ADAMTSL1: variants seen among roughly 807,000 people sequenced by gnomAD.
The protein encoded by ADAMTSL1 is ADAMTS like 1, also known as ADAMTS-like protein 1.
A neutral mutation model predicts 201.8 loss-of-function variants in ADAMTSL1; 126 were observed. That is an observed-to-expected ratio of 0.62 (90% CI 0.54 to 0.72). The LOEUF is 0.72. Among genes scored for constraint, ADAMTSL1 ranks in the 30% least tolerant of loss-of-function variants. The pLI is 0.00. For missense variants in ADAMTSL1, 2,679 were observed against 2,277.8 expected, an observed-to-expected ratio of 1.18 and a Z score of -3.59; for synonymous variants, 1,121 against 903.4, an observed-to-expected ratio of 1.24 and a Z score of -4.32.
intron 1 of ADAMTSL1, among the ~76,000 whole-genome samples, chr9:18,016,011 T>C (rs773397155): frequency 6.6e-6 from 1 of 152,044 alleles, no homozygotes; most frequent in South Asian, 2.1e-4. Flanking sequence ...GCAGATCTAA[T>C]CTTGTCTGCA....
At chr9:18,825,771 GTT>G (rs58274847) in intron 21 of ADAMTSL1, among the ~76,000 whole-genome samples, 1 of 143,832 alleles carries the variant, frequency 7.0e-6, no homozygotes. Flanking sequence ...ATGTTACCAG[GTT>G]TTTTTTTTTT....
chr9:18,244,783 A>G (rs1411161084), intron 2 of ADAMTSL1, among the ~76,000 whole-genome samples: 1 of 152,066 alleles, frequency 6.6e-6, no homozygotes, highest in Non-Finnish European at 1.5e-5. Flanking sequence ...ACTCCTAATG[A>G]GTCATGCTCT....
At chr9:17,977,337 A>G (rs55998727) in intron 1 of ADAMTSL1, among the ~76,000 whole-genome samples, 26,165 of 152,102 alleles carry the variant, frequency 0.17, 2,649 homozygotes, top group Middle Eastern at 0.26. Flanking sequence ...TGCTGGCCTT[A>G]TAAAATTAAT....
rs1235397837 is a variant in ADAMTSL1, at chr9:18,382,279, G to A, written c.208-122550G>A. Among the ~76,000 whole-genome samples, 4 of 152,154 alleles carry A rather than the reference G, an allele frequency of 2.6e-5. No homozygotes were observed. The East Asian group carries it at 5.8e-4, about 22-fold the overall frequency. ...TCTTTAGGATGTCAGTGAAGACTAC[G>A]TCTTTCTGTAGTGAACTCTAGGAAT... On this transcript the variant is annotated intron_variant, in intron 2 of 29. Transcript: ENST00000680146.
chr9:18,156,588 A>AC (rs1435744665), intron 1 of ADAMTSL1, among the ~76,000 whole-genome samples: 15 of 151,940 alleles, frequency 9.9e-5, no homozygotes, highest in African/African-American at 3.4e-4. Context: ...AATTCTTGGC[A>AC]TCGAATGAGT....
chr9:18,648,522 G>T (rs1391649885), intron 7 of ADAMTSL1, among the ~76,000 whole-genome samples: 1 of 151,730 alleles, frequency 6.6e-6, no homozygotes, highest in Non-Finnish European at 1.5e-5. Flanking sequence ...GCAGCGGCTG[G>T]TACCGGTTGT....
intron 1 of ADAMTSL1, among the ~76,000 whole-genome samples, chr9:18,032,169 C>T (rs1330111567): frequency 5.3e-5 from 8 of 152,304 alleles, no homozygotes; most frequent in Admixed American, 2.0e-4. Flanking sequence ...CTACACCCTT[C>T]CTGGACCAGT....
intron 23 of ADAMTSL1, among the ~76,000 whole-genome samples, chr9:18,844,867 G>T (rs981091736): frequency 5.3e-5 from 8 of 152,196 alleles, no homozygotes; most frequent in African/African-American, 1.9e-4. Context: ...ATCTCCTGGT[G>T]TGCCGTTTTT....
At chr9:18,855,915 G>A (rs1359574244) in intron 23 of ADAMTSL1, among the ~76,000 whole-genome samples, 1 of 152,164 alleles carries the variant, frequency 6.6e-6, no homozygotes, top group Non-Finnish European at 1.5e-5. Context: ...AGCTTCCTGA[G>A]CCCAGAAAAA....
chr9:18,356,627 A>ACACACACC (rs1836252201), intron 2 of ADAMTSL1, among the ~76,000 whole-genome samples: 1 of 151,426 alleles, frequency 6.6e-6, no homozygotes, highest in South Asian at 2.1e-4. Context: ...ACACACACAC[A>ACACACACC]CACACACACA....
chr9:18,670,912 C>T (rs1238329150), intron 9 of ADAMTSL1, among the ~76,000 whole-genome samples: 1 of 150,702 alleles, frequency 6.6e-6, no homozygotes, highest in Admixed American at 6.7e-5. Flanking sequence ...TGCTCAAATG[C>T]CTTCCATATA....
rs78242629 is a variant in ADAMTSL1 at position 18,550,459 on chromosome 9, C to T, written c.237+17167C>T. Among the ~76,000 whole-genome samples the T allele has an allele frequency of 9.5e-3, 1,450 of 151,948 alleles. 14 individuals carry two copies. The highest frequency in any genetic ancestry group is 0.015 in the Non-Finnish European group (1,021 of 67,870). ...TTATTGGCTCTGAGATGGAGGGGGCCGTGGCAAGAACCGCAGAGAAGTTTC... is the reference window on the plus strand; with the variant it reads ...TTATTGGCTCTGAGATGGAGGGGGCTGTGGCAAGAACCGCAGAGAAGTTTC... On this transcript the variant is annotated intron_variant, in intron 3 of 28. Coordinates refer to ENST00000380548, the MANE Select transcript of ADAMTSL1 (RefSeq NM_001040272.6).
chr9:18,709,766 G>A (rs1476479727), intron 14 of ADAMTSL1, among the ~76,000 whole-genome samples: 5 of 152,164 alleles, frequency 3.3e-5, no homozygotes, highest in Non-Finnish European at 7.4e-5. Flanking sequence ...ACAACTCTGA[G>A]CCTGATCAGC....
Position 18,169,920 on chromosome 9 carries a change from G to T in ADAMTSL1, c.207+5939G>T, listed in dbSNP as rs558453061. ...TTCCTATTTAATCTTTGGTTTTTTG[G>T]AATGCTCACAACTATAACTTGAGTT... On this transcript the variant is annotated intron_variant, in intron 2 of 29. Transcript: ENST00000680146. Among the ~76,000 whole-genome samples, 7 of 152,002 alleles carry T rather than the reference G, an allele frequency of 4.6e-5. No homozygotes were observed. In the East Asian group the frequency reaches 1.4e-3, roughly 30 times the overall value.
At chr9:18,846,324 T>C (rs1297053891) in intron 23 of ADAMTSL1, among the ~76,000 whole-genome samples, 1 of 152,162 alleles carries the variant, frequency 6.6e-6, no homozygotes, top group Non-Finnish European at 1.5e-5. Flanking sequence ...TTGGCCAAGA[T>C]TGCTTTGAGA....
intron 26 of ADAMTSL1, among the ~76,000 whole-genome samples, chr9:18,894,331 G>A (rs532350738): frequency 1.4e-4 from 18 of 131,856 alleles, no homozygotes; most frequent in African/African-American, 5.3e-4. Flanking sequence ...CTGGGTGACA[G>A]AGCAAAACCT....
intron 3 of ADAMTSL1, among the ~76,000 whole-genome samples, chr9:18,567,577 CATG>C (rs1420812229): frequency 6.6e-6 from 1 of 152,158 alleles, no homozygotes; most frequent in East Asian, 1.9e-4. Context: ...CAGGTTTGGA[CATG>C]ATGAGTTTCC....
At chr9:18,622,103 G>T in intron 4 of ADAMTSL1, 140 bp from the exon 5 acceptor site, 2 of 1,074,536 alleles carry the variant, frequency 1.9e-6, no homozygotes, top group South Asian at 1.7e-5. Context: ...TTAAATTCCA[G>T]TTGAATTCAG....
intron 1 of ADAMTSL1, among the ~76,000 whole-genome samples, chr9:18,160,847 A>ATTTT (rs35532729): frequency 8.4e-6 from 1 of 119,282 alleles, no homozygotes; most frequent in Non-Finnish European, 1.7e-5. Flanking sequence ...ACCTGGCTAA[A>ATTTT]TTTTTTTTTT....
Sources: gnomAD v4.1 joint callset for allele counts (sites outside exome capture counted in the v4.1 genomes callset) on GRCh38, gnomAD v4.1.1 for gene constraint, MANE v1.5 for transcripts, NCBI Gene and HGNC (gene_info 2026-07-23, HGNC 2026-07-21) for gene names.